Variants in PTPRO observed in about 807,000 individuals in gnomAD.
PTPRO encodes receptor-type tyrosine-protein phosphatase O.
A neutral mutation model predicts 145.2 loss-of-function variants in PTPRO; 62 were observed. The observed-to-expected ratio is 0.43, with a 90% CI of 0.35 to 0.53. The LOEUF is 0.53. PTPRO is among the 20% of genes least tolerant of loss of function. The pLI is 0.01. For missense variants in PTPRO, 1,345 were observed against 1,482.7 expected (o/e 0.91, Z 1.53); for synonymous variants, 565 against 514.7 (o/e 1.10, Z -1.32).
intron 1 of PTPRO, among the ~76,000 whole-genome samples, chr12:15,339,882 T>C (rs938893021): frequency 2.0e-5 from 3 of 152,196 alleles, no homozygotes; most frequent in Non-Finnish European, 4.4e-5. Flanking sequence ...GTAGAGAATC[T>C]AAACCTCACC....
At chr12:15,513,186 A>AAAGG in intron 7 of PTPRO, among the ~76,000 whole-genome samples, 1 of 117,012 alleles carries the variant, frequency 8.5e-6, no homozygotes, top group East Asian at 2.3e-4. Flanking sequence ...AGAAAGAAAG[A>AAAGG]AAGAAAGAAA....
At chr12:15,518,988 G>A (rs776196472) in intron 9 of PTPRO, among the ~76,000 whole-genome samples, 1 of 152,110 alleles carries the variant, frequency 6.6e-6, no homozygotes, top group Non-Finnish European at 1.5e-5. Flanking sequence ...CTTCTCAGCA[G>A]CACTCCACTC....
At chr12:15,368,249 C>A (rs893096047) in intron 1 of PTPRO, among the ~76,000 whole-genome samples, 1 of 152,154 alleles carries the variant, frequency 6.6e-6, no homozygotes. Context: ...CTGGCATTCC[C>A]ATCCTCACCA....
At chr12:15,368,139 T>G (rs2136253410) in intron 1 of PTPRO, among the ~76,000 whole-genome samples, 1 of 152,318 alleles carries the variant, frequency 6.6e-6, no homozygotes, top group East Asian at 1.9e-4. Context: ...GTTCTCCTAC[T>G]TAACACCTGG....
At chr12:15,474,889 C>T (rs533014318) in intron 1 of PTPRO, among the ~76,000 whole-genome samples, 1 of 152,314 alleles carries the variant, frequency 6.6e-6, no homozygotes, top group South Asian at 2.1e-4. Flanking sequence ...ACAGATGACA[C>T]TTCTTTTAGG....
In PTPRO at chr12:15,322,793, C is replaced by G; in HGVS notation, c.67C>G (p.Leu23Val). 1 of 1,612,528 alleles carries G rather than the reference C, an allele frequency of 6.2e-7. No homozygotes were observed. Among genetic ancestry groups the G allele is most frequent in the Non-Finnish European group, 8.5e-7 (1 of 1,179,486 alleles). ...RLLPLLWLFVLFKNATAFHVT... is the reference protein window; with the variant it reads ...RLLPLLWLFVVFKNATAFHVT... The stretch of plus-strand genomic sequence containing the variant: ...CCTGCCTCTGCTCTGGCTCTTTGTG[C>G]TGTTCAAGGTAGGGGAGCTCCTCCA... The change falls in exon 1 of 27, where the codon CTG (leucine) becomes GTG (valine). Residue 23 changes from leucine to valine, a missense_variant. This residue lies in a region of PTPRO where 1,130 missense variants were observed against 1,214.7 expected (regional missense o/e 0.93). Transcript: ENST00000281171. The surrounding 1 kb of genome is among the most constrained non-coding windows in gnomAD (Gnocchi z 6.3).
chr12:15,515,984 TTTG>T (rs754621883), intron 8 of PTPRO, among the ~76,000 whole-genome samples: 7 of 120,360 alleles, frequency 5.8e-5, no homozygotes, highest in African/African-American at 1.9e-4. Context: ...TGGTTTTTTT[TTTG>T]TTTTGTTTTT....
chr12:15,395,594 T>C (rs923323759), intron 1 of PTPRO, among the ~76,000 whole-genome samples: 1 of 152,116 alleles, frequency 6.6e-6, no homozygotes, highest in Non-Finnish European at 1.5e-5. Context: ...ATGTCCTATA[T>C]CTTAATTTTA....
At chr12:15,474,086 G>A (rs1392092344) in intron 1 of PTPRO, among the ~76,000 whole-genome samples, 2 of 152,110 alleles carry the variant, frequency 1.3e-5, no homozygotes, top group East Asian at 3.9e-4. Context: ...TGGGTAAAAT[G>A]GAGATAATAA....
intron 1 of PTPRO, among the ~76,000 whole-genome samples, chr12:15,392,720 CAAA>C (rs1177789187): frequency 1.3e-4 from 9 of 66,680 alleles, no homozygotes; most frequent in South Asian, 7.6e-4. Context: ...GACCCTGTCT[CAAA>C]AAAAAAAAAA....
intron 1 of PTPRO, chr12:15,410,344 T>A (rs1377110802): frequency 6.6e-6 from 1 of 152,192 alleles, no homozygotes; most frequent in African/African-American, 2.4e-5. Flanking sequence ...GTAAAGCAGG[T>A]GGCATACTCC....
intron 1 of PTPRO, among the ~76,000 whole-genome samples, chr12:15,448,080 G>A (rs1320489281): frequency 6.6e-6 from 1 of 152,064 alleles, no homozygotes; most frequent in South Asian, 2.1e-4. Flanking sequence ...TACATTTACA[G>A]CAATGTGATA....
At chr12:15,393,822 T>C (rs1014347382) in intron 1 of PTPRO, among the ~76,000 whole-genome samples, 10 of 152,104 alleles carry the variant, frequency 6.6e-5, no homozygotes, top group Non-Finnish European at 1.2e-4. Context: ...AGAAAAGAAA[T>C]CTATTTCTTA....
intron 7 of PTPRO, among the ~76,000 whole-genome samples, chr12:15,514,148 A>G (rs994348666): frequency 1.3e-5 from 2 of 152,116 alleles, no homozygotes; most frequent in Non-Finnish European, 2.9e-5. Flanking sequence ...TACGTATCCA[A>G]ATTTTTTTTA....
intron 19 of PTPRO, among the ~76,000 whole-genome samples, chr12:15,574,094 A>G (rs1190505021): frequency 1.3e-5 from 2 of 152,224 alleles, no homozygotes; most frequent in African/African-American, 4.8e-5. Flanking sequence ...CACATCATTT[A>G]TAAGCATTTT....
intron 7 of PTPRO, 128 bp from the exon 8 acceptor site, chr12:15,515,370 C>T: frequency 8.1e-7 from 1 of 1,239,098 alleles, no homozygotes; most frequent in Non-Finnish European, 1.2e-6. Flanking sequence ...CTGACAGCTT[C>T]AGTAAAGCCT....
intron 1 of PTPRO, among the ~76,000 whole-genome samples, chr12:15,463,951 T>C (rs1005691723): frequency 3.9e-5 from 6 of 152,322 alleles, no homozygotes; most frequent in Admixed American, 6.5e-5. Flanking sequence ...ATAAATTTAA[T>C]TTTACAGATA....
chr12:15,489,328 A>C (rs1941953072), intron 2 of PTPRO, among the ~76,000 whole-genome samples: 1 of 152,212 alleles, frequency 6.6e-6, no homozygotes, highest in Non-Finnish European at 1.5e-5. Flanking sequence ...TTCATTAAGA[A>C]AGTAAAGGAA....
At chr12:15,538,702 T>A (rs577080801) in intron 12 of PTPRO, among the ~76,000 whole-genome samples, 2 of 152,236 alleles carry the variant, frequency 1.3e-5, no homozygotes, top group Non-Finnish European at 2.9e-5. Flanking sequence ...GAAAAGTTGG[T>A]CTTCTAAGCA....
Sources: allele counts gnomAD v4.1 joint callset (sites outside exome capture counted in the v4.1 genomes callset), GRCh38; gene constraint gnomAD v4.1.1; regional missense constraint gnomAD v4.1.1; non-coding constraint Gnocchi (gnomAD v3.1); transcripts MANE v1.5; gene names NCBI Gene and HGNC (gene_info 2026-07-23, HGNC 2026-07-21).